NPHP4: variants seen among roughly 807,000 people sequenced by gnomAD.
The protein encoded by NPHP4 is nephrocystin 4.
In NPHP4, 151 loss-of-function variants were observed where a neutral mutation model predicts 155.8. The ratio of observed to expected loss-of-function variants is 0.97; its 90% CI spans 0.85 to 1.11. The LOEUF (loss-of-function observed/expected upper bound fraction) is 1.11, where lower values mean the gene tolerates loss of function less well. Among genes scored for constraint, NPHP4 ranks in the 50% least tolerant of loss-of-function variants. The pLI, the probability that NPHP4 is intolerant of heterozygous loss-of-function variation, is 0.00. For missense variants in NPHP4, 1,956 were observed against 1,925.7 expected (o/e 1.02, Z -0.29); for synonymous variants, 845 against 816.8 (o/e 1.03, Z -0.59).
At chr1:5,927,350 G>C (rs1646057244) in intron 11 of NPHP4, among the ~76,000 whole-genome samples, 2 of 152,130 alleles carry the variant, frequency 1.3e-5, no homozygotes, top group Non-Finnish European at 2.9e-5. Flanking sequence ...TAACTCTCGG[G>C]TCCCACATTT....
At chr1:5,870,949 A>C (rs1165190880) in intron 23 of NPHP4, among the ~76,000 whole-genome samples, 2 of 152,252 alleles carry the variant, frequency 1.3e-5, no homozygotes, top group African/African-American at 4.8e-5. Flanking sequence ...ACATTTGTGA[A>C]TGTGAATGGG....
At chr1:5,888,589 C>A (rs756001615) in intron 17 of NPHP4, 4 of 1,351,406 alleles carry the variant, frequency 3.0e-6, no homozygotes, top group Non-Finnish European at 3.9e-6. Flanking sequence ...CACTGGGAGA[C>A]TGAGAAGATA....
chr1:5,964,116 C>T (rs1650895497), intron 5 of NPHP4, among the ~76,000 whole-genome samples: 1 of 152,188 alleles, frequency 6.6e-6, no homozygotes, highest in African/African-American at 2.4e-5. Flanking sequence ...TGATAGGAAA[C>T]ATTCTTCTAG....
intron 16 of NPHP4, among the ~76,000 whole-genome samples, chr1:5,891,701 A>G (rs2100932946): frequency 6.6e-6 from 1 of 152,360 alleles, no homozygotes; most frequent in South Asian, 2.1e-4. Flanking sequence ...TCAAAACAAC[A>G]TTATTTCTCT....
At position 5,952,824 on chromosome 1, in the gene NPHP4, C is replaced by T. The variant is rs756137436; in HGVS notation, c.686G>A (p.Arg229Gln). 3.1e-6 allele frequency: 5 copies of T among 1,600,316 alleles called. No individual in the cohort carries two copies. The East Asian group carries it at 6.8e-5, about 22-fold the overall frequency. Residue 229 changes from arginine (R) to glutamine (Q), a missense_variant, in exon 7 of 30, where the codon CGA (arginine) becomes CAA (glutamine). Coordinates refer to ENST00000378156, the MANE Select transcript of NPHP4 (RefSeq NM_015102.5). ...PAHGESGDAL[R>Q]KPRLQKPITG... ...GATGGGCTTCTGGAGGCGAGGCTTT[C>T]GGAGAGCGTCGCCTGAAACAGTGAG...
At position 5,910,820 on chromosome 1, in the gene NPHP4, T is replaced by C. The variant is rs568221319; in HGVS notation, c.1442-1607A>G. Among the ~76,000 whole-genome samples, 1 of 152,310 alleles carries C rather than the reference T, an allele frequency of 6.6e-6. No individual in the cohort carries two copies. Among genetic ancestry groups the C allele is most frequent in the South Asian group, 2.1e-4 (1 of 4,828 alleles). ...TTCCAGAACCCATCCAAGGAGGTGCTTCCCCAGCTGCAGGATCTGGTGGAA... is the reference window on the plus strand; with the variant it reads ...TTCCAGAACCCATCCAAGGAGGTGCCTCCCCAGCTGCAGGATCTGGTGGAA... On this transcript the variant is annotated intron_variant, in intron 11 of 29. Coordinates refer to ENST00000378156, the MANE Select transcript of NPHP4 (RefSeq NM_015102.5). This position sits in a 1 kb window ranked among gnomAD's most constrained non-coding sequence, Gnocchi z 5.4.
chr1:5,977,420 G>A (rs1298323364), intron 3 of NPHP4, among the ~76,000 whole-genome samples: 1 of 152,016 alleles, frequency 6.6e-6, no homozygotes, highest in Non-Finnish European at 1.5e-5. Context: ...TTCGCAGAGA[G>A]GCCTCCCTCG....
chr1:5,988,487 T>C (rs888041589), intron 1 of NPHP4, among the ~76,000 whole-genome samples: 3 of 152,262 alleles, frequency 2.0e-5, no homozygotes, highest in African/African-American at 4.8e-5. Flanking sequence ...AAAAAATGTT[T>C]TTATGTTAAC....
intron 11 of NPHP4, among the ~76,000 whole-genome samples, chr1:5,913,685 C>T (rs1248343344): frequency 6.6e-6 from 1 of 152,194 alleles, no homozygotes; most frequent in Non-Finnish European, 1.5e-5. Flanking sequence ...GAGGATGCAA[C>T]CCACACACAT....
At chr1:5,931,133 T>C (rs1389384858) in intron 10 of NPHP4, among the ~76,000 whole-genome samples, 2 of 152,194 alleles carry the variant, frequency 1.3e-5, no homozygotes, top group Non-Finnish European at 2.9e-5. Context: ...TTCCATTCTT[T>C]TAATTTACGT....
Position 5,971,404 on chromosome 1 carries a change from C to G in NPHP4, c.280-2145G>C, listed in dbSNP as rs1476029855. On this transcript the variant is annotated intron_variant, in intron 3 of 29. Coordinates refer to ENST00000378156, the MANE Select transcript of NPHP4 (RefSeq NM_015102.5). ...TCAGATGGTTGTACCAGTACAATTA[C>G]TGATTGATAAGGACATATGTTCTTT... 2.6e-5 allele frequency among the ~76,000 whole-genome samples: 4 copies of G among 152,348 alleles called. No homozygotes were observed. In the South Asian group the frequency reaches 6.2e-4, roughly 24 times the overall value.
At position 5,863,064 on chromosome 1, in the gene NPHP4, G is replaced by A; in HGVS notation, c.*201C>T. 6 of 612,292 alleles carry A rather than the reference G, an allele frequency of 9.8e-6. No homozygotes were observed. The South Asian group carries it at 1.2e-4, about 12-fold the overall frequency. 37.9% of individuals were successfully genotyped at this position (612,292 alleles called of 1,614,324 possible). ...CGCTCACGGAACCCAGGCCTGCTGGGTGTCAGCAGCAGCTAAGCTGGATGC... is the reference window on the plus strand; with the variant it reads ...CGCTCACGGAACCCAGGCCTGCTGGATGTCAGCAGCAGCTAAGCTGGATGC... On this transcript the variant is annotated 3_prime_UTR_variant, in exon 30 of 30. Transcript: ENST00000378156.
At chr1:5,954,876 T>C (rs1029515006) in intron 6 of NPHP4, among the ~76,000 whole-genome samples, 1 of 151,888 alleles carries the variant, frequency 6.6e-6, no homozygotes, top group African/African-American at 2.4e-5. Context: ...AAGAAACAAA[T>C]GGATTATATC....
At chr1:5,970,705 AGAGCC>A (rs1273238508) in intron 3 of NPHP4, among the ~76,000 whole-genome samples, 2 of 152,148 alleles carry the variant, frequency 1.3e-5, no homozygotes, top group Non-Finnish European at 2.9e-5. Context: ...AGAGGTAAGG[AGAGCC>A]GAGGCTGGTC....
In NPHP4 at chr1:5,892,872, C is replaced by G. The variant is rs12734013; in HGVS notation, c.2144-1844G>C. ...GGCCCTGTCCTCCCCAAGCCCACCTCCTGCACCCCCTTCACAAACACCACG... is the reference window on the plus strand; with the variant it reads ...GGCCCTGTCCTCCCCAAGCCCACCTGCTGCACCCCCTTCACAAACACCACG... On this transcript the variant is annotated intron_variant, in intron 16 of 29. Coordinates refer to ENST00000378156, the MANE Select transcript of NPHP4 (RefSeq NM_015102.5). This position sits in a 1 kb window ranked among gnomAD's most constrained non-coding sequence, Gnocchi z 4.5. Among the ~76,000 whole-genome samples the G allele has an allele frequency of 2.6e-5, 4 of 152,312 alleles. No individual in the cohort carries two copies. In the South Asian group the frequency reaches 8.3e-4, roughly 32 times the overall value.
chr1:5,962,022 A>G, intron 5 of NPHP4, 73 bp from the exon 6 acceptor site: 1 of 1,212,552 alleles, frequency 8.2e-7, no homozygotes, highest in South Asian at 1.4e-5. Context: ...CAGCCAATTA[A>G]CAGAGAATGT....
At position 5,933,166 on chromosome 1, in the gene NPHP4, G is replaced by A; in HGVS notation, c.1283C>T (p.Ala428Val). The change falls in exon 10 of 30, where the codon GCC becomes GTC. Residue 428 changes from alanine (A) to valine (V), a missense_variant. Coordinates refer to ENST00000378156, the MANE Select transcript of NPHP4 (RefSeq NM_015102.5). ...SHCLVYKVPSASMSSEEVKQV... is the reference protein window; with the variant it reads ...SHCLVYKVPSVSMSSEEVKQV... ...ATTTACCTCTTCAGAGCTCATGCTG[G>A]CTGAGGGTACCTTGTAGACCAGACA... 6.3e-7 allele frequency: 1 copy of A among 1,595,814 alleles called. No homozygotes were observed. Among genetic ancestry groups the A allele is most frequent in the Non-Finnish European group, 8.6e-7 (1 of 1,166,800 alleles).
At chr1:5,930,259 T>C (rs1024843001) in intron 10 of NPHP4, among the ~76,000 whole-genome samples, 1 of 152,222 alleles carries the variant, frequency 6.6e-6, no homozygotes, top group Admixed American at 6.5e-5. Flanking sequence ...CACTGGGTTT[T>C]TGCTATTTTT....
At chr1:5,865,022 G>A in intron 27 of NPHP4, 80 bp downstream of exon 27, 2 of 1,438,648 alleles carry the variant, frequency 1.4e-6, no homozygotes, top group Non-Finnish European at 1.9e-6. Context: ...GCCACCCACT[G>A]TGCTCCAGCT....
Sources: gnomAD v4.1 joint callset for allele counts (sites outside exome capture counted in the v4.1 genomes callset) on GRCh38, gnomAD v4.1.1 for gene constraint, Gnocchi (gnomAD v3.1) non-coding constraint, MANE v1.5 for transcripts, NCBI Gene and HGNC (gene_info 2026-07-23, HGNC 2026-07-21) for gene names.